Variants in CDH11 observed in about 807,000 individuals in gnomAD.
The protein encoded by CDH11 is cadherin-11.
In CDH11, 11 loss-of-function variants were observed where a neutral mutation model predicts 67.8. The ratio of observed to expected loss-of-function variants is 0.16; its 90% CI spans 0.10 to 0.27. The LOEUF (loss-of-function observed/expected upper bound fraction) is 0.27. CDH11 is among the 10% of genes least tolerant of loss of function. The probability of loss-of-function intolerance (pLI) is 1.00; values close to 1 mark genes in which losing one functional copy is unlikely to be tolerated. For missense variants in CDH11, 847 were observed against 1,031.2 expected (o/e 0.82, Z 2.45); for synonymous variants, 419 against 400.0 (o/e 1.05, Z -0.57).
intron 1 of CDH11, among the ~76,000 whole-genome samples, chr16:65,104,312 T>C (rs2075036167): frequency 1.3e-5 from 2 of 152,128 alleles, no homozygotes; most frequent in Non-Finnish European, 2.9e-5. Flanking sequence ...GAAAGAAACA[T>C]ATGGGTTTGG....
chr16:65,033,858 G>A (rs1350259077), intron 2 of CDH11, among the ~76,000 whole-genome samples: 1 of 152,160 alleles, frequency 6.6e-6, no homozygotes, highest in African/African-American at 2.4e-5. Flanking sequence ...TAGGTGTTTT[G>A]CTCATTTTCT....
intron 1 of CDH11, among the ~76,000 whole-genome samples, chr16:65,118,232 T>C (rs748982146): frequency 3.9e-5 from 6 of 152,148 alleles, no homozygotes; most frequent in Non-Finnish European, 7.3e-5. Flanking sequence ...AGGCTCTCAA[T>C]GTCAGGGTAA....
At chr16:65,104,658 C>T (rs1325153951) in intron 1 of CDH11, among the ~76,000 whole-genome samples, 1 of 152,164 alleles carries the variant, frequency 6.6e-6, no homozygotes, top group Non-Finnish European at 1.5e-5. Flanking sequence ...TTAATCACTG[C>T]TCTCTATTCA....
chr16:65,051,093 A>C (rs1597135941), intron 2 of CDH11, among the ~76,000 whole-genome samples: 1 of 152,176 alleles, frequency 6.6e-6, no homozygotes, highest in African/African-American at 2.4e-5. Flanking sequence ...CAAATGCAAG[A>C]GGAGTCAGTC....
intron 1 of CDH11, among the ~76,000 whole-genome samples, chr16:65,110,623 G>GGT (rs1211710745): frequency 7.1e-5 from 9 of 126,742 alleles, no homozygotes; most frequent in African/African-American, 2.8e-4. Context: ...CATGGCCAAT[G>GGT]ATGTGTGTGT....
intron 1 of CDH11, among the ~76,000 whole-genome samples, chr16:65,065,703 T>C (rs142121391): frequency 2.6e-5 from 4 of 151,950 alleles, no homozygotes; most frequent in Non-Finnish European, 4.4e-5. Context: ...AGGAAGGAGA[T>C]AGAGGAAGAT....
chr16:65,052,335 T>A (rs1194299176), intron 2 of CDH11, among the ~76,000 whole-genome samples: 1 of 152,112 alleles, frequency 6.6e-6, no homozygotes, highest in Non-Finnish European at 1.5e-5. Flanking sequence ...GAAATCACAG[T>A]AAATGGTGTA....
At chr16:65,028,617 G>A (rs569892831) in intron 2 of CDH11, among the ~76,000 whole-genome samples, 22 of 152,166 alleles carry the variant, frequency 1.4e-4, no homozygotes, top group East Asian at 3.9e-4. Context: ...CTTACAAGAC[G>A]CAGCTAAATC....
intron 2 of CDH11, among the ~76,000 whole-genome samples, chr16:65,017,110 T>C (rs1219475395): frequency 1.3e-5 from 2 of 152,154 alleles, no homozygotes; most frequent in East Asian, 3.9e-4. Flanking sequence ...CTTTACTGCC[T>C]CTCCCTTTAT....
chr16:65,017,886 A>C (rs2073343666), intron 2 of CDH11, among the ~76,000 whole-genome samples: 1 of 152,318 alleles, frequency 6.6e-6, no homozygotes, highest in South Asian at 2.1e-4. Flanking sequence ...TAGTTTTTGA[A>C]ACAATTTTTC....
At chr16:65,022,528 A>G (rs1395744532) in intron 2 of CDH11, among the ~76,000 whole-genome samples, 1 of 152,180 alleles carries the variant, frequency 6.6e-6, no homozygotes, top group Non-Finnish European at 1.5e-5. Context: ...TTCTGAGTCT[A>G]GCGAAAGCCC....
At chr16:65,066,260 T>A (rs1274466573) in intron 1 of CDH11, among the ~76,000 whole-genome samples, 1 of 152,206 alleles carries the variant, frequency 6.6e-6, no homozygotes, top group Non-Finnish European at 1.5e-5. Context: ...TGGCCAAATA[T>A]CACCTCCTGA....
chr16:65,102,596 G>A lies in CDH11; in HGVS notation c.-298+19284C>T, dbSNP rs574116341. Among the ~76,000 whole-genome samples, 13 of 152,282 alleles carry A rather than the reference G, an allele frequency of 8.5e-5. No individual in the cohort carries two copies. In the East Asian group the frequency reaches 2.1e-3, roughly 25 times the overall value. On this transcript the variant is annotated intron_variant, in intron 1 of 12. Coordinates refer to ENST00000268603, the MANE Select transcript of CDH11 (RefSeq NM_001797.4). ...AACCATAAACACCCTTGCATGTTGC[G>A]ATTTTTGTCCTTTGGAAACATATGC...
chr16:64,951,112 C>T (rs2071351744), intron 11 of CDH11, 94 bp from the exon 12 acceptor site: 1 of 1,266,092 alleles, frequency 7.9e-7, no homozygotes, highest in Admixed American at 2.1e-5. Flanking sequence ...ACTCTCTTAT[C>T]ATAAAGGTTA....
chr16:65,009,857 G>A (rs191386563), intron 2 of CDH11, among the ~76,000 whole-genome samples: 4 of 152,166 alleles, frequency 2.6e-5, no homozygotes, highest in African/African-American at 4.8e-5. Flanking sequence ...CCACCAGCTC[G>A]AAAGGGAAGG....
At chr16:65,035,592 GC>G (rs2073738196) in intron 2 of CDH11, among the ~76,000 whole-genome samples, 1 of 152,182 alleles carries the variant, frequency 6.6e-6, no homozygotes. Flanking sequence ...CTTTTTGAAT[GC>G]CAGGAGTGTG....
chr16:64,986,695 T>C (rs146654791), intron 7 of CDH11: 3 of 152,272 alleles, frequency 2.0e-5, no homozygotes, highest in Admixed American at 2.0e-4. Context: ...GGTTGATAAT[T>C]AGGCTTCCTC....
At chr16:64,965,568 C>T (rs1393217292) in intron 11 of CDH11, among the ~76,000 whole-genome samples, 3 of 152,016 alleles carry the variant, frequency 2.0e-5, no homozygotes, top group African/African-American at 7.3e-5. Flanking sequence ...TTCTGGAATA[C>T]CTCCCAAAGG....
chr16:65,021,239 G>A (rs2073417263), intron 2 of CDH11, among the ~76,000 whole-genome samples: 1 of 152,146 alleles, frequency 6.6e-6, no homozygotes. Context: ...ACCTGCAAAA[G>A]TAAAAAACAC....
Sources: gnomAD v4.1 joint callset for allele counts (sites outside exome capture counted in the v4.1 genomes callset) on GRCh38, gnomAD v4.1.1 for gene constraint, MANE v1.5 for transcripts, NCBI Gene and HGNC (gene_info 2026-07-23, HGNC 2026-07-21) for gene names.